The following TEKTL1 variants were observed in gnomAD, a reference collection of about 807,000 sequenced individuals.
The protein encoded by TEKTL1 is tektin-like protein 1.
chr19:15,021,380 A>C, the TEKTL1 span: 3 of 1,614,110 alleles, frequency 1.9e-6, no homozygotes, highest in African/African-American at 4.0e-5. Flanking sequence ...AACGAAGCCA[A>C]GCGGTTGTTG....
chr19:15,020,561 C>A, the TEKTL1 span: 90 of 1,613,968 alleles, frequency 5.6e-5, no homozygotes, highest in Non-Finnish European at 7.0e-5. Context: ...CTGGAGCAGG[C>A]CAGACGCCAC....
chr19:15,016,242 T>C, the TEKTL1 span, among the ~76,000 whole-genome samples: 71,952 of 144,414 alleles, frequency 0.5, 18,396 homozygotes, highest in African/African-American at 0.6. Context: ...TGGAGTGCAG[T>C]GGCGTGGCGT....
the TEKTL1 span, among the ~76,000 whole-genome samples, chr19:15,015,969 C>T: frequency 6.6e-6 from 1 of 152,146 alleles, no homozygotes; most frequent in East Asian, 1.9e-4. Flanking sequence ...TCCAGGCAGG[C>T]TCCTCAGCTA....
the TEKTL1 span, chr19:15,022,834 T>C: frequency 5.8e-6 from 9 of 1,546,436 alleles, no homozygotes; most frequent in Non-Finnish European, 7.9e-6. Flanking sequence ...GGTAGCCATC[T>C]GCTCTGGCTC....
the TEKTL1 span, chr19:15,021,791 A>G: frequency 6.2e-7 from 1 of 1,613,396 alleles, no homozygotes; most frequent in Non-Finnish European, 8.5e-7. Context: ...GCGCTTGCAC[A>G]CCGCACCCCA....
the TEKTL1 span, among the ~76,000 whole-genome samples, chr19:15,022,315 G>GTTA: frequency 0.065 from 9,783 of 151,162 alleles, 665 homozygotes; most frequent in African/African-American, 0.17. Context: ...CTGCCCAGCT[G>GTTA]TTATTATTAA....
the TEKTL1 span, chr19:15,023,136 C>T: frequency 2.6e-6 from 4 of 1,561,554 alleles, no homozygotes; most frequent in African/African-American, 1.4e-5. Context: ...CAGCGTCCCC[C>T]GCCCCAGCCA....
At chr19:15,020,456 C>A in the TEKTL1 span, 2 of 1,612,332 alleles carry the variant, frequency 1.2e-6, no homozygotes, top group Non-Finnish European at 8.5e-7. Context: ...CCCCTCCCCA[C>A]CCAGACCCTG....
At chr19:15,022,088 A>G in the TEKTL1 span, among the ~76,000 whole-genome samples, 2 of 152,060 alleles carry the variant, frequency 1.3e-5, no homozygotes, top group African/African-American at 4.8e-5. Context: ...TGAAGTGGGT[A>G]CTGGCGGGGG....
At chr19:15,012,972 G>A in the TEKTL1 span, among the ~76,000 whole-genome samples, 1 of 151,980 alleles carries the variant, frequency 6.6e-6, no homozygotes, top group Non-Finnish European at 1.5e-5. Context: ...CTGGCTTCAG[G>A]AAGTGAAAAT....
the TEKTL1 span, among the ~76,000 whole-genome samples, chr19:15,022,190 C>T: frequency 4.6e-5 from 7 of 152,160 alleles, no homozygotes; most frequent in Non-Finnish European, 8.8e-5. Flanking sequence ...CTTAGTCTCT[C>T]TAACCTGTAA....
the TEKTL1 span, among the ~76,000 whole-genome samples, chr19:15,017,684 G>A: frequency 6.6e-6 from 1 of 152,090 alleles, no homozygotes; most frequent in Admixed American, 6.6e-5. Flanking sequence ...GTTACAGTGG[G>A]GAAATGCATG....
chr19:15,015,735 A>T, the TEKTL1 span, among the ~76,000 whole-genome samples: 1 of 152,218 alleles, frequency 6.6e-6, no homozygotes, highest in African/African-American at 2.4e-5. Context: ...GGAACAGAAC[A>T]GGTAAAATTA....
chr19:15,015,451 T>G, the TEKTL1 span, among the ~76,000 whole-genome samples: 27 of 152,322 alleles, frequency 1.8e-4, no homozygotes, highest in East Asian at 2.9e-3. Context: ...CAGCTCCCTG[T>G]GCCTTCCTTG....
the TEKTL1 span, among the ~76,000 whole-genome samples, chr19:15,019,048 A>C: frequency 1.3e-5 from 2 of 152,078 alleles, no homozygotes; most frequent in Non-Finnish European, 2.9e-5. Flanking sequence ...TCCTGGGCTC[A>C]GGTGACCCCC....
the TEKTL1 span, chr19:15,020,649 C>A: frequency 1.7e-4 from 274 of 1,613,078 alleles, 1 homozygote; most frequent in African/African-American, 3.2e-3. Context: ...CTGTGGGCAC[C>A]TATAACCCAG....
the TEKTL1 span, chr19:15,021,515 T>G: frequency 1.9e-6 from 3 of 1,614,002 alleles, no homozygotes; most frequent in Non-Finnish European, 2.5e-6. Context: ...ACCTTGGAGC[T>G]GAAGGTGAGC....
chr19:15,021,478 G>T, the TEKTL1 span: 6 of 1,614,220 alleles, frequency 3.7e-6, no homozygotes, highest in Non-Finnish European at 5.1e-6. Context: ...CCGTGTGTGT[G>T]CCTCGCTGGC....
At chr19:15,015,813 T>C in the TEKTL1 span, among the ~76,000 whole-genome samples, 1 of 152,152 alleles carries the variant, frequency 6.6e-6, no homozygotes, top group Non-Finnish European at 1.5e-5. Context: ...ACTGTACACT[T>C]AGCAAGGTTA....
Sources: allele counts gnomAD v4.1 joint callset (sites outside exome capture counted in the v4.1 genomes callset), GRCh38; gene constraint gnomAD v4.1.1; transcripts MANE v1.5; gene names NCBI Gene and HGNC (gene_info 2026-07-23, HGNC 2026-07-21).